Variants in TPTE observed in about 807,000 individuals in gnomAD.
The protein encoded by TPTE is putative tyrosine-protein phosphatase TPTE.
Under a neutral mutation model 84.1 loss-of-function variants are expected in TPTE, and 59 were observed. The ratio of observed to expected loss-of-function variants is 0.70; its 90% CI spans 0.57 to 0.87. TPTE has a LOEUF of 0.87. Among genes scored for constraint, TPTE ranks in the 40% least tolerant of loss-of-function variants. The probability of loss-of-function intolerance (pLI) is 0.00; values close to 1 mark genes in which losing one functional copy is unlikely to be tolerated. For missense variants in TPTE, 382 were observed against 659.6 expected, an observed-to-expected ratio of 0.58 and a Z score of 4.61; for synonymous variants, 130 against 223.5, an observed-to-expected ratio of 0.58 and a Z score of 3.73.
intron 17 of TPTE, among the ~76,000 whole-genome samples, chr21:10,589,404 G>A (rs1200894518): frequency 2.0e-5 from 3 of 152,308 alleles, no homozygotes; most frequent in Non-Finnish European, 2.9e-5. Flanking sequence ...TGTTTATTGG[G>A]AGGAGCTCTC....
chr21:10,525,524 T>G (rs1268915321), intron 2 of TPTE, among the ~76,000 whole-genome samples: 2 of 152,312 alleles, frequency 1.3e-5, no homozygotes, highest in African/African-American at 4.8e-5. Context: ...TGCTACTGAA[T>G]GTTTTGTTAA....
chr21:10,551,243 A>T (rs749007856), intron 7 of TPTE, among the ~76,000 whole-genome samples: 47 of 147,348 alleles, frequency 3.2e-4, no homozygotes, highest in Middle Eastern at 3.5e-3. Flanking sequence ...CAATGAGAAC[A>T]CTCAGACACA....
intron 3 of TPTE, among the ~76,000 whole-genome samples, chr21:10,537,411 G>T (rs1263817967): frequency 6.6e-6 from 1 of 152,308 alleles, no homozygotes; most frequent in African/African-American, 2.4e-5. Context: ...GGCCGTGGTG[G>T]CTCACGCCTG....
intron 17 of TPTE, among the ~76,000 whole-genome samples, chr21:10,581,891 T>C (rs1282770784): frequency 6.6e-6 from 1 of 152,308 alleles, no homozygotes; most frequent in Non-Finnish European, 1.5e-5. Context: ...AGCGTCACCA[T>C]GCCTGGCTAA....
chr21:10,587,110 T>A (rs1410857098), intron 17 of TPTE, among the ~76,000 whole-genome samples: 287 of 151,478 alleles, frequency 1.9e-3, no homozygotes, highest in Middle Eastern at 7.0e-3. Flanking sequence ...AATCAATGAA[T>A]ATGATAAATT....
At chr21:10,524,348 C>T (rs1226464595) in intron 1 of TPTE, among the ~76,000 whole-genome samples, 1 of 152,306 alleles carries the variant, frequency 6.6e-6, no homozygotes, top group Non-Finnish European at 1.5e-5. Context: ...ACATTCCTTT[C>T]CCCTCCCAGG....
intron 20 of TPTE, 121 bp downstream of exon 20, chr21:10,596,208 C>G (rs1240521186): frequency 1.5e-6 from 2 of 1,347,776 alleles, no homozygotes; most frequent in South Asian, 1.3e-5. Flanking sequence ...TTTTACATAT[C>G]CTCACACAGG....
At chr21:10,587,626 T>C (rs1489244372) in intron 17 of TPTE, among the ~76,000 whole-genome samples, 1 of 152,408 alleles carries the variant, frequency 6.6e-6, no homozygotes, top group East Asian at 1.9e-4. Flanking sequence ...CTTGGCTCAC[T>C]GCAACCTCCA....
intron 20 of TPTE, among the ~76,000 whole-genome samples, chr21:10,597,197 G>A (rs2075604282): frequency 6.6e-6 from 1 of 152,278 alleles, no homozygotes; most frequent in African/African-American, 2.4e-5. Context: ...GCCTTTGTCT[G>A]TAAATATATA....
At chr21:10,547,159 CGT>C (rs1308151700) in intron 7 of TPTE, among the ~76,000 whole-genome samples, 2 of 152,308 alleles carry the variant, frequency 1.3e-5, no homozygotes, top group Non-Finnish European at 2.9e-5. Flanking sequence ...TCCTGGGGCC[CGT>C]GCGAATTATG....
intron 8 of TPTE, among the ~76,000 whole-genome samples, chr21:10,556,052 T>G (rs1326855147): frequency 6.6e-6 from 1 of 152,312 alleles, no homozygotes; most frequent in Non-Finnish European, 1.5e-5. Flanking sequence ...TTTTTTTTAT[T>G]ATTATTATAC....
chr21:10,574,269 A>T (rs1031312418), intron 14 of TPTE, among the ~76,000 whole-genome samples: 4 of 152,308 alleles, frequency 2.6e-5, no homozygotes. Flanking sequence ...GAGGGCTGGT[A>T]TCAGTTGCCG....
chr21:10,553,796 C>T (rs1264237762), intron 8 of TPTE, among the ~76,000 whole-genome samples: 1 of 152,306 alleles, frequency 6.6e-6, no homozygotes, highest in African/African-American at 2.4e-5. Context: ...AAGTCACTAA[C>T]CCTCTTTAAC....
intron 4 of TPTE, among the ~76,000 whole-genome samples, chr21:10,540,522 G>A (rs559716756): frequency 1.3e-5 from 2 of 152,372 alleles, no homozygotes; most frequent in East Asian, 1.9e-4. Context: ...CTGCTTGCAG[G>A]GAGAAGGAGA....
chr21:10,563,269 C>G (rs1192816301), intron 10 of TPTE, among the ~76,000 whole-genome samples: 1 of 152,310 alleles, frequency 6.6e-6, no homozygotes, highest in African/African-American at 2.4e-5. Flanking sequence ...GTATTTCAAT[C>G]AGAAAGATAA....
chr21:10,586,883 G>A (rs2075376625), intron 17 of TPTE, among the ~76,000 whole-genome samples: 2 of 152,428 alleles, frequency 1.3e-5, no homozygotes, highest in Non-Finnish European at 1.5e-5. Context: ...TGGAAGCAGT[G>A]AAGAGAGGGC....
intron 17 of TPTE, among the ~76,000 whole-genome samples, chr21:10,582,755 A>G (rs1457702946): frequency 3.3e-5 from 5 of 152,186 alleles, no homozygotes; most frequent in Admixed American, 2.0e-4. Context: ...TTGTTTTGAG[A>G]TTAGGTCTCA....
chr21:10,548,568 GCTCTATGGA>G (rs1226735760), intron 7 of TPTE, among the ~76,000 whole-genome samples: 1 of 152,298 alleles, frequency 6.6e-6, no homozygotes, highest in Non-Finnish European at 1.5e-5. Flanking sequence ...AGCTAGAATA[GCTCTATGGA>G]CTACCCCCAG....
chr21:10,550,067 T>C (rs187389102), intron 7 of TPTE, among the ~76,000 whole-genome samples: 64 of 152,396 alleles, frequency 4.2e-4, no homozygotes, highest in Non-Finnish European at 7.8e-4. Context: ...CCAGCACAGC[T>C]ATCCTTTACA....
Sources: gnomAD v4.1 joint callset for allele counts (sites outside exome capture counted in the v4.1 genomes callset) on GRCh38, gnomAD v4.1.1 for gene constraint, MANE v1.5 for transcripts, NCBI Gene and HGNC (gene_info 2026-07-23, HGNC 2026-07-21) for gene names.